The following AUTS2 variants were observed in gnomAD, a reference collection of about 807,000 sequenced individuals.
The protein encoded by AUTS2 is activator of transcription and developmental regulator AUTS2.
Under a neutral mutation model 112.4 loss-of-function variants are expected in AUTS2, and 17 were observed. The observed-to-expected ratio is 0.15, with a 90% CI of 0.10 to 0.23. The LOEUF is 0.23. Among genes scored for constraint, AUTS2 ranks in the 10% least tolerant of loss-of-function variants. The pLI is 1.00. For missense variants in AUTS2, 1,510 were observed against 1,701.6 expected, an observed-to-expected ratio of 0.89 and a Z score of 1.98; for synonymous variants, 751 against 702.7, an observed-to-expected ratio of 1.07 and a Z score of -1.09.
At chr7:70,463,869 G>GT (rs1247983033) in intron 5 of AUTS2, among the ~76,000 whole-genome samples, 7 of 152,326 alleles carry the variant, frequency 4.6e-5, no homozygotes, top group African/African-American at 1.2e-4. Context: ...TGTTTAATTG[G>GT]TTCTTTCACC....
intron 1 of AUTS2, among the ~76,000 whole-genome samples, chr7:69,731,464 A>C (rs1786787623): frequency 6.6e-6 from 1 of 152,192 alleles, no homozygotes; most frequent in Non-Finnish European, 1.5e-5. Flanking sequence ...TAATTAAGAA[A>C]ATGTATGTGA....
chr7:69,969,152 C>T (rs1797747683), intron 2 of AUTS2, among the ~76,000 whole-genome samples: 2 of 152,004 alleles, frequency 1.3e-5, no homozygotes, highest in African/African-American at 2.4e-5. Context: ...CCTTCTTATG[C>T]TTTCCCTTTT....
At chr7:69,845,813 T>C (rs1482689540) in intron 1 of AUTS2, among the ~76,000 whole-genome samples, 9 of 152,188 alleles carry the variant, frequency 5.9e-5, no homozygotes, top group Admixed American at 5.9e-4. Context: ...TCTTCTCTGT[T>C]TTCCACCAAT....
intron 5 of AUTS2, among the ~76,000 whole-genome samples, chr7:70,482,225 G>A (rs962795475): frequency 6.6e-6 from 1 of 152,106 alleles, no homozygotes; most frequent in Non-Finnish European, 1.5e-5. Flanking sequence ...GTAAGGGCAC[G>A]GGGATTTACT....
intron 5 of AUTS2, among the ~76,000 whole-genome samples, chr7:70,498,051 G>A (rs1219622106): frequency 1.3e-5 from 2 of 152,180 alleles, no homozygotes; most frequent in Non-Finnish European, 2.9e-5. Flanking sequence ...GCAGGAAGAG[G>A]GGTAGACAGA....
chr7:69,868,359 A>C (rs953855635), intron 1 of AUTS2, among the ~76,000 whole-genome samples: 2 of 152,218 alleles, frequency 1.3e-5, no homozygotes, highest in Non-Finnish European at 2.9e-5. Context: ...CAAATGTTGA[A>C]GTATTCAACA....
At chr7:70,072,723 C>A (rs1802833089) in intron 2 of AUTS2, among the ~76,000 whole-genome samples, 1 of 152,186 alleles carries the variant, frequency 6.6e-6, no homozygotes, top group African/African-American at 2.4e-5. Flanking sequence ...AGCGTTTCTG[C>A]ATGGCTGTCA....
chr7:70,263,814 A>G (rs992341811), intron 4 of AUTS2, among the ~76,000 whole-genome samples: 4 of 152,232 alleles, frequency 2.6e-5, no homozygotes, highest in Non-Finnish European at 5.9e-5. Flanking sequence ...TAATTGGTCT[A>G]TACAGTGGCA....
intron 1 of AUTS2, among the ~76,000 whole-genome samples, chr7:69,760,858 T>G (rs1214398553): frequency 6.6e-6 from 1 of 152,124 alleles, no homozygotes; most frequent in African/African-American, 2.4e-5. Flanking sequence ...CAGTAAAGCA[T>G]CTCCCCACAT....
intron 1 of AUTS2, among the ~76,000 whole-genome samples, chr7:69,878,548 C>A (rs937475343): frequency 6.6e-6 from 1 of 152,146 alleles, no homozygotes; most frequent in African/African-American, 2.4e-5. Flanking sequence ...CAGGTACTGC[C>A]TAAGCAGCCC....
chr7:69,951,970 C>T (rs888955952), intron 2 of AUTS2, among the ~76,000 whole-genome samples: 7 of 152,118 alleles, frequency 4.6e-5, no homozygotes, highest in Admixed American at 1.3e-4. Flanking sequence ...CAGATTATTT[C>T]AGTTACTTTA....
chr7:69,837,020 A>G (rs894507321), intron 1 of AUTS2, among the ~76,000 whole-genome samples: 2 of 152,188 alleles, frequency 1.3e-5, no homozygotes, highest in African/African-American at 4.8e-5. Context: ...TTGATTACCT[A>G]TAAGAGACCT....
intron 2 of AUTS2, among the ~76,000 whole-genome samples, chr7:70,085,089 C>T (rs1430757153): frequency 6.6e-6 from 1 of 152,116 alleles, no homozygotes; most frequent in African/African-American, 2.4e-5. Flanking sequence ...GTTGCCGTGG[C>T]TGTTCTCGAA....
intron 5 of AUTS2, among the ~76,000 whole-genome samples, chr7:70,495,455 C>G (rs1798418687): frequency 6.6e-6 from 1 of 151,962 alleles, no homozygotes. Context: ...CAGTTGCTTA[C>G]AGTCTCCTAG....
Position 69,809,609 on chromosome 7 carries a change from A to G in AUTS2, c.310-89677A>G, listed in dbSNP as rs549998007. On this transcript the variant is annotated intron_variant, in intron 1 of 18. Transcript: ENST00000342771. ...GGGCTCACATTTTACCTGAAATTCC[A>G]CAAGTAACAGAAGCACACATTTAGG... is the stretch of plus-strand genomic sequence containing the variant. 2.0e-5 allele frequency among the ~76,000 whole-genome samples: 3 copies of G among 152,248 alleles called. No individual in the cohort carries two copies. In the East Asian group the frequency reaches 5.8e-4, roughly 29 times the overall value.
chr7:69,602,037 T>TAG (rs1792455479), intron 1 of AUTS2, among the ~76,000 whole-genome samples: 1 of 9,980 alleles, frequency 1.0e-4, no homozygotes, highest in Non-Finnish European at 2.2e-4. Flanking sequence ...TATATATATA[T>TAG]ATATGTGTGT....
At chr7:70,183,632 C>CT (rs960470523) in intron 4 of AUTS2, among the ~76,000 whole-genome samples, 48 of 152,230 alleles carry the variant, frequency 3.2e-4, no homozygotes, top group African/African-American at 1.1e-3. Context: ...GGTTAATTCC[C>CT]TTTCCTCTTC....
At chr7:70,257,514 C>T (rs1025240830) in intron 4 of AUTS2, among the ~76,000 whole-genome samples, 3 of 152,040 alleles carry the variant, frequency 2.0e-5, no homozygotes, top group Non-Finnish European at 4.4e-5. Context: ...GAAGAGATTT[C>T]GGCATGTTGG....
intron 5 of AUTS2, among the ~76,000 whole-genome samples, chr7:70,612,514 G>T (rs992414930): frequency 8.6e-5 from 13 of 151,982 alleles, no homozygotes; most frequent in Non-Finnish European, 1.8e-4. Context: ...CCCTGGAGAT[G>T]ATCTAGTATT....
Sources: allele counts gnomAD v4.1 joint callset (sites outside exome capture counted in the v4.1 genomes callset), GRCh38; gene constraint gnomAD v4.1.1; transcripts MANE v1.5; gene names NCBI Gene and HGNC (gene_info 2026-07-23, HGNC 2026-07-21).